The following COQ6 variants were observed in gnomAD, a reference collection of about 807,000 sequenced individuals.
The protein encoded by COQ6 is coenzyme Q6, monooxygenase, also known as ubiquinone biosynthesis monooxygenase COQ6, mitochondrial.
A neutral mutation model predicts 55.5 loss-of-function variants in COQ6; 45 were observed. The observed-to-expected ratio is 0.81, with a 90% CI of 0.64 to 1.04. The LOEUF (loss-of-function observed/expected upper bound fraction) is 1.04. COQ6 is among the 50% of genes least tolerant of loss of function. The pLI is 0.00. For missense variants in COQ6, 550 were observed against 601.3 expected (o/e 0.91, Z 0.89); for synonymous variants, 206 against 230.5 (o/e 0.89, Z 0.96).
At chr14:73,950,567 T>A (rs1483262844) in intron 1 of COQ6, 72 bp downstream of exon 1, 2 of 1,521,370 alleles carry the variant, frequency 1.3e-6, no homozygotes, top group Admixed American at 2.1e-5. Flanking sequence ...GTGAGAGCCC[T>A]AGCACGACTT....
At chr14:73,953,682 T>C in intron 2 of COQ6, 113 bp downstream of exon 2, 1 of 1,421,218 alleles carries the variant, frequency 7.0e-7, no homozygotes, top group African/African-American at 1.4e-5. Context: ...CTCACTGAGG[T>C]GGGTGGAGAG....
Position 73,961,436 on chromosome 14 carries a change from A to C in COQ6, c.1095-19A>C, listed in dbSNP as rs771154670. On this transcript the variant is annotated intron_variant, in intron 9 of 11. Transcript: ENST00000334571. ...ACTTTGCTGCCAGAGGTCACACCTG[A>C]ACTCTGCTTTATTCTTAGGGATGCA... 16 of 1,614,028 alleles carry C rather than the reference A, an allele frequency of 9.9e-6. No homozygotes were observed. The Admixed American group carries it at 1.2e-4, about 12-fold the overall frequency.
At position 73,962,952 on chromosome 14, in the gene COQ6, CTTTTA is replaced by C; in HGVS notation, c.1378-13_1378-9del. On this transcript the variant is annotated splice_polypyrimidine_tract_variant and intron_variant, in intron 11 of 11. Coordinates refer to ENST00000334571, the MANE Select transcript of COQ6 (RefSeq NM_182476.3). The stretch of plus-strand genomic sequence containing the variant: ...CTTACTGTGTTAAGAGTTTCATTCA[CTTTTA>C]TTTTTTCTCCAGGAACAGATTATGG... The C allele has an allele frequency of 6.3e-7, 1 of 1,592,546 alleles. No individual in the cohort carries two copies. The highest frequency in any genetic ancestry group is 1.3e-5 in the African/African-American group (1 of 74,536).
In COQ6 at chr14:73,959,507, C is replaced by T. The variant is rs746827061; in HGVS notation, c.876C>T (p.Ala292=). Residue 292 remains alanine, a synonymous_variant, in exon 8 of 12, where the codon GCC becomes GCT. Transcript: ENST00000334571. ...VSMDEEKFVD[A]VNSAFWSDAD... is the part of the protein sequence containing the mutation. Reference sequence around the variant, plus strand: ...TGGATGAGGAAAAATTTGTGGATGCCGTTAACTCTGCCTTTGTGAGTATCA... The same window carrying T: ...TGGATGAGGAAAAATTTGTGGATGCTGTTAACTCTGCCTTTGTGAGTATCA... 2.2e-5 allele frequency: 36 copies of T among 1,613,882 alleles called. No individual in the cohort carries two copies. In the South Asian group the frequency reaches 3.0e-4, roughly 13 times the overall value.
chr14:73,961,131 C>T, intron 8 of COQ6, 42 bp from the exon 9 acceptor site: 1 of 1,599,162 alleles, frequency 6.3e-7, no homozygotes, highest in Non-Finnish European at 8.5e-7. Context: ...TTCCCTGCTA[C>T]TCACATTTCA....
At chr14:73,959,987 A>C in intron 8 of COQ6, 1 of 1,033,718 alleles carries the variant, frequency 9.7e-7, no homozygotes, top group East Asian at 8.7e-5. Flanking sequence ...AATGCAAAAC[A>C]ATAGAAATAA....
At chr14:73,962,561 G>GAAA in intron 11 of COQ6, 5 of 173,416 alleles carry the variant, frequency 2.9e-5, no homozygotes, top group South Asian at 1.3e-4. Flanking sequence ...CCAGTCTCTT[G>GAAA]AAAAAAAAAA....
In COQ6 at chr14:73,950,375, G is replaced by C. The variant is rs575157832; in HGVS notation, c.43G>C (p.Ala15Pro). The change falls in exon 1 of 12, where the codon GCT becomes CCT. Residue 15 changes from alanine (A) to proline (P), a missense_variant. By Grantham distance (27) the Ala-to-Pro change is conservative. Transcript: ENST00000334571. ...CAGCCGATGCGGGGCTGTGCGTGCA[G>C]CTCCCCACAGCGGCCCGCTGGTGTC... Reference protein sequence around the residue: ...LVSRCGAVRAAPHSGPLVSWR... With the variant: ...LVSRCGAVRAPPHSGPLVSWR... 6.3e-5 allele frequency: 99 copies of C among 1,565,776 alleles called. No individual in the cohort carries two copies. The highest frequency in any genetic ancestry group is 8.5e-5 in the Non-Finnish European group (98 of 1,156,882).
chr14:73,957,209 T>A (rs974072299), intron 4 of COQ6, among the ~76,000 whole-genome samples: 1 of 151,980 alleles, frequency 6.6e-6, no homozygotes, highest in Non-Finnish European at 1.5e-5. Flanking sequence ...ACCATTCTCC[T>A]GCCTCAGCCT....
chr14:73,959,324 G>A, intron 7 of COQ6, 91 bp from the exon 8 acceptor site: 2 of 1,614,156 alleles, frequency 1.2e-6, no homozygotes, highest in Non-Finnish European at 1.7e-6. Context: ...TGCCCAGGCT[G>A]TTTGTAAGTT....
intron 10 of COQ6, 77 bp from the exon 11 acceptor site, chr14:73,961,660 A>AT: frequency 6.2e-7 from 1 of 1,606,082 alleles, no homozygotes; most frequent in Non-Finnish European, 8.5e-7. Context: ...GTGGACATAA[A>AT]ATATATCTGG....
intron 8 of COQ6, chr14:73,960,328 C>T: frequency 1.0e-6 from 1 of 986,124 alleles, no homozygotes; most frequent in Middle Eastern, 5.2e-4. Context: ...ATCTTTAGTA[C>T]ATTGTAGGTG....
intron 8 of COQ6, chr14:73,960,444 C>A: frequency 1.0e-6 from 1 of 989,158 alleles, no homozygotes; most frequent in Non-Finnish European, 1.2e-6. Context: ...TACCTTCACA[C>A]CAAAGACTCC....
Position 73,961,319 on chromosome 14 carries a change from T to C in COQ6, c.1038T>C (p.Phe346=). Residue 346 remains phenylalanine (F), a synonymous_variant, in exon 9 of 12, where the codon TTT becomes TTC. Transcript: ENST00000334571. ...ARVDAKSRVL[F]PLGLGHAAEY... ...TGGATGCCAAAAGCCGAGTTCTGTT[T>C]CCTCTTGGGTTGGGACATGCTGCTG... is the stretch of plus-strand genomic sequence containing the variant. 1 of 1,614,202 alleles carries C rather than the reference T, an allele frequency of 6.2e-7. No individual in the cohort carries two copies. Among genetic ancestry groups the C allele is most frequent in the Non-Finnish European group, 8.5e-7 (1 of 1,180,022 alleles).
At chr14:73,950,546 C>T (rs752444810) in intron 1 of COQ6, 51 bp downstream of exon 1, 35 of 1,555,144 alleles carry the variant, frequency 2.3e-5, no homozygotes, top group Non-Finnish European at 3.0e-5. Context: ...CGCGGAGGCA[C>T]GATGAGAGCC....
chr14:73,957,487 GT>G (rs1158859799), intron 4 of COQ6, among the ~76,000 whole-genome samples: 4 of 152,104 alleles, frequency 2.6e-5, no homozygotes, highest in Non-Finnish European at 5.9e-5. Flanking sequence ...GTTTTGTTTT[GT>G]TTTGAGACAA....
intron 2 of COQ6, among the ~76,000 whole-genome samples, chr14:73,954,861 AAT>A (rs1474199872): frequency 3.3e-5 from 5 of 150,386 alleles, no homozygotes; most frequent in Non-Finnish European, 4.4e-5. Context: ...AAAAAAAAAA[AAT>A]ACATGGATTT....
Position 73,962,956 on chromosome 14 carries a change from T to C in COQ6, c.1378-14T>C, listed in dbSNP as rs368045511. 3 of 1,597,612 alleles carry C rather than the reference T, an allele frequency of 1.9e-6. No homozygotes were observed. The highest frequency in any genetic ancestry group is 2.7e-5 in the African/African-American group (2 of 74,572). On this transcript the variant is annotated splice_polypyrimidine_tract_variant and intron_variant, in intron 11 of 11. Transcript: ENST00000334571. The stretch of plus-strand genomic sequence containing the variant: ...CTGTGTTAAGAGTTTCATTCACTTT[T>C]ATTTTTTCTCCAGGAACAGATTATG...
chr14:73,952,324 T>C (rs1348346074), intron 1 of COQ6, among the ~76,000 whole-genome samples: 2 of 151,778 alleles, frequency 1.3e-5, no homozygotes, highest in African/African-American at 2.4e-5. Flanking sequence ...GGTTTCACCA[T>C]GTTGCCCACG....
Sources: gnomAD v4.1 joint callset for allele counts (sites outside exome capture counted in the v4.1 genomes callset) on GRCh38, gnomAD v4.1.1 for gene constraint, MANE v1.5 for transcripts, NCBI Gene and HGNC (gene_info 2026-07-23, HGNC 2026-07-21) for gene names.